The following ZNF536 variants were observed in gnomAD, a reference collection of about 807,000 sequenced individuals.
ZNF536 encodes zinc finger protein 536.
ZNF536 carries 13 observed loss-of-function variants against 84.5 expected under a neutral mutation model. That is an observed-to-expected ratio of 0.15 (90% CI 0.10 to 0.24). The LOEUF (loss-of-function observed/expected upper bound fraction) is 0.24, where lower values mean the gene tolerates loss of function less well. ZNF536 is among the 10% of genes least tolerant of loss of function. The pLI, the probability that ZNF536 is intolerant of heterozygous loss-of-function variation, is 1.00. For synonymous variants in ZNF536, 811 were observed against 742.5 expected, an observed-to-expected ratio of 1.09 and a Z score of -1.50; for missense variants, 1,536 against 1,747.5, an observed-to-expected ratio of 0.88 and a Z score of 2.16.
chr19:30,457,340 A>AT (rs2052901860), intron 2 of ZNF536, among the ~76,000 whole-genome samples: 1 of 152,258 alleles, frequency 6.6e-6, no homozygotes. Flanking sequence ...TCTTTTAGCC[A>AT]CTGTGGCTGG....
At chr19:30,314,248 G>A (rs975020300) in intron 2 of ZNF536, among the ~76,000 whole-genome samples, 1 of 152,148 alleles carries the variant, frequency 6.6e-6, no homozygotes, top group East Asian at 1.9e-4. Flanking sequence ...GGTGCACCAT[G>A]GTGTCCCTGG....
At chr19:30,707,542 T>C (rs2148049154) in intron 1 of ZNF536, among the ~76,000 whole-genome samples, 1 of 152,270 alleles carries the variant, frequency 6.6e-6, no homozygotes, top group South Asian at 2.1e-4. Context: ...CCTCCTGTGG[T>C]TGGCTGTCAG....
intron 1 of ZNF536, among the ~76,000 whole-genome samples, chr19:30,614,964 T>TTTTTTTTTTTTGTGG: frequency 1.0e-5 from 1 of 98,938 alleles, no homozygotes; most frequent in African/African-American, 3.9e-5. Flanking sequence ...TTTTTTTTTT[T>TTTTTTTTTTTTGTGG]GAGGCGGAGT....
At chr19:30,701,238 CACAA>C (rs2051943750) in intron 1 of ZNF536, among the ~76,000 whole-genome samples, 6 of 151,588 alleles carry the variant, frequency 4.0e-5, no homozygotes, top group Non-Finnish European at 7.4e-5. Flanking sequence ...CACAGACACA[CACAA>C]ACACAAACAC....
At chr19:30,229,666 A>T (rs898515544) in intron 1 of ZNF536, among the ~76,000 whole-genome samples, 4 of 152,206 alleles carry the variant, frequency 2.6e-5, no homozygotes, top group Non-Finnish European at 4.4e-5. Context: ...TTCTGGCTGA[A>T]GGCTGCTTTA....
chr19:30,353,532 C>T (rs73536917), intron 3 of ZNF536, among the ~76,000 whole-genome samples: 4 of 151,842 alleles, frequency 2.6e-5, no homozygotes, highest in African/African-American at 2.4e-5. Context: ...AGCAGCCCCC[C>T]CCTGGCACCG....
intron 1 of ZNF536, among the ~76,000 whole-genome samples, chr19:30,421,519 C>T (rs1025852492): frequency 7.9e-5 from 12 of 152,150 alleles, no homozygotes; most frequent in Admixed American, 3.3e-4. Context: ...CATGCCACCA[C>T]GCCTGGTAAT....
intron 2 of ZNF536, among the ~76,000 whole-genome samples, chr19:30,523,829 T>A (rs1010580751): frequency 2.0e-5 from 3 of 152,236 alleles, no homozygotes; most frequent in Non-Finnish European, 4.4e-5. Context: ...GTGTGGTCAA[T>A]GCCTCTCTGA....
At chr19:30,313,699 T>C (rs1457506460) in intron 2 of ZNF536, among the ~76,000 whole-genome samples, 1 of 152,208 alleles carries the variant, frequency 6.6e-6, no homozygotes, top group East Asian at 1.9e-4. Context: ...GACTGTGGTT[T>C]CCAGCATCCC....
At chr19:30,468,546 A>G (rs898050112) in intron 2 of ZNF536, among the ~76,000 whole-genome samples, 2 of 152,066 alleles carry the variant, frequency 1.3e-5, no homozygotes, top group Non-Finnish European at 2.9e-5. Flanking sequence ...TGAGCTGGGA[A>G]CACAAACCTC....
chr19:30,503,257 G>A (rs542029312), intron 2 of ZNF536, among the ~76,000 whole-genome samples: 33 of 152,200 alleles, frequency 2.2e-4, no homozygotes, highest in African/African-American at 7.9e-4. Context: ...TAGATGAAGG[G>A]TTAATATTCC....
intron 3 of ZNF536, among the ~76,000 whole-genome samples, chr19:30,539,509 C>A (rs2045241037): frequency 6.6e-6 from 1 of 152,214 alleles, no homozygotes; most frequent in Admixed American, 6.5e-5. Flanking sequence ...GTGGCCCAGT[C>A]AAATTGACAC....
rs568870104 is a variant in ZNF536 at position 30,563,196 on chromosome 19, G to T, written c.169+13682G>T. 2.2e-4 allele frequency among the ~76,000 whole-genome samples: 34 copies of T among 152,192 alleles called. No individual in the cohort carries two copies. The East Asian group carries it at 5.8e-3, about 26-fold the overall frequency. ...TGGGCAGGTTATTATAAATCATGGTGCCCCACCCTCATCCTTGCCAATTTG... is the reference window on the plus strand; with the variant it reads ...TGGGCAGGTTATTATAAATCATGGTTCCCCACCCTCATCCTTGCCAATTTG... On this transcript the variant is annotated intron_variant, in intron 1 of 1. Transcript: ENST00000592773.
At chr19:30,403,208 C>A (rs749504880) in intron 1 of ZNF536, among the ~76,000 whole-genome samples, 1 of 152,114 alleles carries the variant, frequency 6.6e-6, no homozygotes, top group Non-Finnish European at 1.5e-5. Context: ...CCATTTCAGA[C>A]GTCGGAGTGA....
chr19:30,540,847 T>C (rs1019000614), intron 3 of ZNF536, among the ~76,000 whole-genome samples: 1 of 152,240 alleles, frequency 6.6e-6, no homozygotes, highest in Non-Finnish European at 1.5e-5. Flanking sequence ...TGGCGCAGCC[T>C]CCAGGGAATT....
chr19:30,305,807 A>G (rs1207808725), intron 2 of ZNF536, among the ~76,000 whole-genome samples: 1 of 152,206 alleles, frequency 6.6e-6, no homozygotes, highest in Non-Finnish European at 1.5e-5. Flanking sequence ...CCTGGTAGGC[A>G]CTGGCTGGGC....
At chr19:30,545,567 G>C (rs977137639) in intron 3 of ZNF536, among the ~76,000 whole-genome samples, 1 of 151,422 alleles carries the variant, frequency 6.6e-6, no homozygotes, top group Non-Finnish European at 1.5e-5. Context: ...CCGGCTAATT[G>C]TTTGTATTTT....
chr19:30,692,154 AC>A (rs2051438775), intron 1 of ZNF536, among the ~76,000 whole-genome samples: 1 of 152,242 alleles, frequency 6.6e-6, no homozygotes, highest in Non-Finnish European at 1.5e-5. Flanking sequence ...AGATAGAATT[AC>A]TGTTTGTAAG....
chr19:30,658,268 C>T (rs2049992466), intron 1 of ZNF536, among the ~76,000 whole-genome samples: 1 of 152,058 alleles, frequency 6.6e-6, no homozygotes. Flanking sequence ...GTGATCTGCC[C>T]ACTTTGGCCT....
Sources: gnomAD v4.1 joint callset for allele counts (sites outside exome capture counted in the v4.1 genomes callset) on GRCh38, gnomAD v4.1.1 for gene constraint, MANE v1.5 for transcripts, NCBI Gene and HGNC (gene_info 2026-07-23, HGNC 2026-07-21) for gene names.